The following CCDC17 variants were observed in gnomAD, a reference collection of about 807,000 sequenced individuals.
CCDC17 encodes coiled-coil domain-containing protein 17.
In CCDC17, 79 loss-of-function variants were observed where a neutral mutation model predicts 68.0. That is an observed-to-expected ratio of 1.16 (90% CI 0.97 to 1.40). The LOEUF (loss-of-function observed/expected upper bound fraction) is 1.40, where lower values mean the gene tolerates loss of function less well. Among genes scored for constraint, CCDC17 ranks in the 40% most tolerant of loss-of-function variants. The probability of loss-of-function intolerance (pLI) is 0.00; values close to 1 mark genes in which losing one functional copy is unlikely to be tolerated. For synonymous variants in CCDC17, 376 were observed against 337.5 expected (o/e 1.11, Z -1.25); for missense variants, 846 against 811.5 (o/e 1.04, Z -0.52).
chr1:45,621,615 G>C, intron 9 of CCDC17, 23 bp downstream of exon 9: 2 of 1,610,658 alleles, frequency 1.2e-6, no homozygotes, highest in Middle Eastern at 3.3e-4. Flanking sequence ...CACAGAGGCT[G>C]TCGAAGGTGG....
In CCDC17 at chr1:45,620,797, C is replaced by A. The variant is rs202073754; in HGVS notation, c.1636G>T (p.Ala546Ser). 3.9e-4 allele frequency: 632 copies of A among 1,611,026 alleles called. 3 individuals carry two copies. Among genetic ancestry groups the A allele is most frequent in the Non-Finnish European group, 1.6e-4 (190 of 1,178,724 alleles). ...QAELFLRLVNARDAAVQTLAE... is the reference protein window; with the variant it reads ...QAELFLRLVNSRDAAVQTLAE... Reference sequence around the variant, plus strand: ...AGTGTCTGTACAGCTGCATCTCTTGCATTCACCAGCCGCAGAAAGAGCTCA... The same window carrying A: ...AGTGTCTGTACAGCTGCATCTCTTGAATTCACCAGCCGCAGAAAGAGCTCA... The change falls in exon 12 of 13, where the codon GCA (alanine) becomes TCA (serine). Residue 546 changes from alanine (A) to serine (S), a missense_variant. Coordinates refer to ENST00000528266, the MANE Select transcript of CCDC17 (RefSeq NM_001114938.3).
In CCDC17 at chr1:45,623,014, CCTCCCGGCCTCAGCTTGTAGTTCTCGAAT is replaced by C; in HGVS notation, c.568_596del (p.Ile190AspfsTer103). 6.2e-7 allele frequency: 1 copy of C among 1,612,846 alleles called. No homozygotes were observed. The highest frequency in any genetic ancestry group is 1.7e-5 in the Admixed American group (1 of 59,908). On this transcript the variant is annotated frameshift_variant, in exon 4 of 13. Transcript: ENST00000528266. LOFTEE classifies it high-confidence loss of function. ...CCAACACCTCTAGAGCTCCCCGCGT[CCTCCCGGCCTCAGCTTGTAGTTCTCGAAT>C]CTCCTGCTCCAGGCCGAAGAGGCGG...
chr1:45,621,968 TC>T lies in CCDC17; in HGVS notation c.994del (p.Asp332MetfsTer38). On this transcript the variant is annotated frameshift_variant, in exon 8 of 13. Coordinates refer to ENST00000528266, the MANE Select transcript of CCDC17 (RefSeq NM_001114938.3). LOFTEE classifies it high-confidence loss of function. ...LGPQDLRLLG[D>X]ASLQPKGRRD... ...CCTCCCCTTCGGTTGTAGGCTGGCA[TC>T]CCCCAGGAGTCGCAGATCCTGGGGC... 1 of 1,609,828 alleles carries T rather than the reference TC, an allele frequency of 6.2e-7. No homozygotes were observed.
At position 45,621,064 on chromosome 1, in the gene CCDC17, G is replaced by A. The variant is rs757637580; in HGVS notation, c.1438C>T (p.Gln480Ter). 3.7e-6 allele frequency: 6 copies of A among 1,613,912 alleles called. No homozygotes were observed. Among genetic ancestry groups the A allele is most frequent in the Non-Finnish European group, 4.2e-6 (5 of 1,179,902 alleles). The change falls in exon 11 of 13, where the codon CAG becomes TAG. Residue 480 changes from glutamine to a stop codon, truncating the protein, a stop_gained. Transcript: ENST00000528266. LOFTEE classifies it high-confidence loss of function. Reference protein sequence around the residue: ...VSLVCELQVWQGLAWARAPQP... With the variant: ...VSLVCELQVW ...GGTGCCCTAGCCCATGCTAGCCCCTGCCAGACCTGCAGCTCACAGACCAAA... is the reference window on the plus strand; with the variant it reads ...GGTGCCCTAGCCCATGCTAGCCCCTACCAGACCTGCAGCTCACAGACCAAA...
rs1644273500 is a variant in CCDC17, at chr1:45,621,885, A to C, written c.1078T>G (p.Phe360Val). The change falls in exon 8 of 13, where the codon TTC becomes GTC. Residue 360 changes from phenylalanine to valine, a missense_variant. Physicochemically the swap from Phe to Val is conservative, Grantham distance 50. Transcript: ENST00000528266. ...CCACCCAAGAACTGAACCTCCGAGA[A>C]GCCTGGAAGTGGTGGCAGCGGTGGT... ...VAPPLPPLPGFSEPQLPGTMT... is the reference protein window; with the variant it reads ...VAPPLPPLPGVSEPQLPGTMT... The C allele has an allele frequency of 2.5e-6, 4 of 1,601,554 alleles. No individual in the cohort carries two copies.
Position 45,621,873 on chromosome 1 carries a change from G to T in CCDC17, c.1086+4C>A. The T allele has an allele frequency of 6.3e-7, 1 of 1,596,586 alleles. No homozygotes were observed. Among genetic ancestry groups the T allele is most frequent in the South Asian group, 1.1e-5 (1 of 88,684 alleles). ...ACAGCCTTTGCCCCACCCAAGAACTGAACCTCCGAGAAGCCTGGAAGTGGT... is the reference window on the plus strand; with the variant it reads ...ACAGCCTTTGCCCCACCCAAGAACTTAACCTCCGAGAAGCCTGGAAGTGGT... On this transcript the variant is annotated splice_donor_region_variant and intron_variant, in intron 8 of 12. Transcript: ENST00000528266.
In CCDC17 at chr1:45,621,327, GC is replaced by G; in HGVS notation, c.1341del (p.Met449TrpfsTer34). The G allele has an allele frequency of 6.3e-7, 1 of 1,589,142 alleles. No homozygotes were observed. The highest frequency in any genetic ancestry group is 1.8e-5 in the Admixed American group (1 of 55,906). On this transcript the variant is annotated frameshift_variant, in exon 10 of 13. Coordinates refer to ENST00000528266, the MANE Select transcript of CCDC17 (RefSeq NM_001114938.3). LOFTEE classifies it high-confidence loss of function. ...ALCLPPPPAP[G>X]PMGNCAILAS... The stretch of plus-strand genomic sequence containing the variant: ...GCAAGGATGGCACAGTTGCCCATGG[GC>G]CCGGGAGCAGGAGGTGGGGGCAGGC...
chr1:45,620,482 C>G, intron 12 of CCDC17, 49 bp from the exon 13 acceptor site: 1 of 1,492,274 alleles, frequency 6.7e-7, no homozygotes, highest in Non-Finnish European at 8.9e-7. Context: ...AAAGGTTAAG[C>G]ACACAGGTTT....
At chr1:45,621,255 C>A in intron 10 of CCDC17, 26 bp downstream of exon 10, 1 of 1,555,892 alleles carries the variant, frequency 6.4e-7, no homozygotes, top group South Asian at 1.2e-5. Flanking sequence ...GGCAGAGTAC[C>A]AGAGTCATGA....
intron 7 of CCDC17, 41 bp downstream of exon 7, chr1:45,622,198 GGA>G (rs760760957): frequency 2.6e-6 from 4 of 1,557,550 alleles, no homozygotes; most frequent in Non-Finnish European, 2.6e-6. Flanking sequence ...GGCCTGCTGG[GGA>G]GAGATAAGTG....
At chr1:45,621,591 A>C (rs779787845) in intron 9 of CCDC17, 47 bp downstream of exon 9, 2 of 1,604,884 alleles carry the variant, frequency 1.2e-6, no homozygotes, top group East Asian at 2.2e-5. Context: ...CTTAACCAGC[A>C]GTGCTGGCCA....
Position 45,622,611 on chromosome 1 carries a change from T to C in CCDC17, c.797A>G (p.Gln266Arg). 1 of 1,556,906 alleles carries C rather than the reference T, an allele frequency of 6.4e-7. No homozygotes were observed. Among genetic ancestry groups the C allele is most frequent in the Non-Finnish European group, 8.7e-7 (1 of 1,150,322 alleles). Residue 266 changes from glutamine (Q) to arginine (R), a missense_variant, in exon 6 of 13, where the codon CAG becomes CGG. Physicochemically the swap from Gln to Arg is conservative, Grantham distance 43 (BLOSUM62 1). Transcript: ENST00000528266. ...DGGRDPGVLGQIWQLQVEASA... is the reference protein window; with the variant it reads ...DGGRDPGVLGRIWQLQVEASA... ...CGCCTCCACCTGCAACTGCCATATC[T>C]GGCCCAGCACGCCGGGGTCCCGGCC...
Position 45,623,431 on chromosome 1 carries a change from CCACTG to C in CCDC17, c.274_278del (p.Gln92AlafsTer103). 1 of 1,550,526 alleles carries C rather than the reference CCACTG, an allele frequency of 6.4e-7. No individual in the cohort carries two copies. Among genetic ancestry groups the C allele is most frequent in the Non-Finnish European group, 8.7e-7 (1 of 1,146,930 alleles). ...GCATTTCCTGTAGGGATAGCCGCAG[CCACTG>C]CACCTGGAGGTAACAGCGATCCGCG... On this transcript the variant is annotated frameshift_variant, in exon 3 of 13. Transcript: ENST00000528266. LOFTEE classifies it high-confidence loss of function.
chr1:45,621,955 T>C lies in CCDC17; in HGVS notation c.1008A>G (p.Gln336=), dbSNP rs151314356. The C allele has an allele frequency of 7.7e-5, 124 of 1,609,906 alleles. No individual in the cohort carries two copies. The African/African-American group carries it at 8.3e-4, about 11-fold the overall frequency. The change falls in exon 8 of 13, where the codon CAA becomes CAG. Residue 336 remains glutamine, a synonymous_variant. Coordinates refer to ENST00000528266, the MANE Select transcript of CCDC17 (RefSeq NM_001114938.3). ...DLRLLGDASL[Q]PKGRRDPPLL... ...GTGGGGGATCTCTCCTCCCCTTCGG[T>C]TGTAGGCTGGCATCCCCCAGGAGTC...
chr1:45,620,345 C>G lies in CCDC17; in HGVS notation c.1799G>C (p.Ser600Thr). The G allele has an allele frequency of 2.5e-6, 4 of 1,608,192 alleles. No individual in the cohort carries two copies. The highest frequency in any genetic ancestry group is 2.5e-6 in the Non-Finnish European group (3 of 1,178,008). ...DPPPRTEEPL[S>T]GVKDRDEGLG... ...ACCCTCATCTCTATCCTTGACTCCA[C>G]TGAGGGGCTCTTCTGTACGAGGTGG... The change falls in exon 13 of 13, where the codon AGT (serine) becomes ACT (threonine). Residue 600 changes from serine to threonine, a missense_variant. Ser to Thr is a moderately conservative substitution (Grantham distance 58). Transcript: ENST00000528266.
In CCDC17 at chr1:45,622,542, T is replaced by G. The variant is rs1271262670; in HGVS notation, c.859+7A>C. The G allele has an allele frequency of 5.2e-6, 8 of 1,551,182 alleles. No individual in the cohort carries two copies. Among genetic ancestry groups the G allele is most frequent in the Non-Finnish European group, 7.0e-6 (8 of 1,146,938 alleles). The stretch of plus-strand genomic sequence containing the variant: ...GACCACCGCTGGCGAGAGGCCCTCC[T>G]GTTCACCTCTGCGGGTCTGCGACCG... On this transcript the variant is annotated splice_region_variant and intron_variant, in intron 6 of 12. Transcript: ENST00000528266.
rs774082524 is a variant in CCDC17 at position 45,621,871 on chromosome 1, C to CT, written c.1086+5dup. The CT allele has an allele frequency of 6.9e-6, 11 of 1,598,096 alleles. No homozygotes were observed. The highest frequency in any genetic ancestry group is 9.4e-6 in the Non-Finnish European group (11 of 1,172,794). On this transcript the variant is annotated splice_donor_region_variant and intron_variant, in intron 8 of 12. Transcript: ENST00000528266. ...TCACAGCCTTTGCCCCACCCAAGAA[C>CT]TGAACCTCCGAGAAGCCTGGAAGTG...
chr1:45,623,738 C>G lies in CCDC17; in HGVS notation c.172G>C (p.Ala58Pro). ...ASVATEPQRA[A>P]VVPQEHQGVP... ...CCCATGGCCATGGAGGCCCTTACCG[C>G]GGCCCGCTGGGGTTCAGTGGCAACT... The change falls in exon 1 of 13, where the codon GCG becomes CCG. Residue 58 changes from alanine (A) to proline (P), a missense_variant and splice_region_variant. Transcript: ENST00000528266. 1 of 1,550,758 alleles carries G rather than the reference C, an allele frequency of 6.4e-7. No individual in the cohort carries two copies. Among genetic ancestry groups the G allele is most frequent in the South Asian group, 1.2e-5 (1 of 83,972 alleles).
rs757041758 is a variant in CCDC17 at position 45,621,515 on chromosome 1, C to T, written c.1185-31G>A. 10 of 1,573,714 alleles carry T rather than the reference C, an allele frequency of 6.4e-6. No homozygotes were observed. In the African/African-American group the frequency reaches 1.4e-4, roughly 21 times the overall value. On this transcript the variant is annotated intron_variant, in intron 9 of 12. Coordinates refer to ENST00000528266, the MANE Select transcript of CCDC17 (RefSeq NM_001114938.3). ...GAACACAAGTCTTAGCACAGAAATA[C>T]CCAACTCCTTTCAACCTCCCTCCTC...
Sources: allele counts gnomAD v4.1 joint callset, GRCh38; gene constraint gnomAD v4.1.1; transcripts MANE v1.5; gene names NCBI Gene and HGNC (gene_info 2026-07-23, HGNC 2026-07-21).